Variants in STAG1 observed in about 807,000 individuals in gnomAD.
The protein encoded by STAG1 is cohesin subunit SA-1.
In STAG1, 26 loss-of-function variants were observed where a neutral mutation model predicts 170.9. The observed-to-expected ratio is 0.15, with a 90% CI of 0.11 to 0.21. STAG1 has a LOEUF of 0.21. Among genes scored for constraint, STAG1 ranks in the 10% least tolerant of loss-of-function variants. The probability of loss-of-function intolerance (pLI) is 1.00; values close to 1 mark genes in which losing one functional copy is unlikely to be tolerated. For missense variants in STAG1, 964 were observed against 1,509.5 expected (o/e 0.64, Z 5.99); for synonymous variants, 514 against 497.7 (o/e 1.03, Z -0.44).
At chr3:136,434,232 G>T (rs780275623) in intron 15 of STAG1, among the ~76,000 whole-genome samples, 2 of 151,938 alleles carry the variant, frequency 1.3e-5, no homozygotes, top group Non-Finnish European at 2.9e-5. Flanking sequence ...CTCCAAAGAA[G>T]AAATAATGGA....
At chr3:136,430,625 T>C (rs1213104273) in intron 16 of STAG1, among the ~76,000 whole-genome samples, 1 of 84,382 alleles carries the variant, frequency 1.2e-5, no homozygotes, top group East Asian at 5.6e-4. Flanking sequence ...GCTGAAGAGC[T>C]TAAAAAAAAA....
chr3:136,612,122 C>CA (rs1279348056), intron 3 of STAG1, among the ~76,000 whole-genome samples: 1 of 152,180 alleles, frequency 6.6e-6, no homozygotes, highest in Non-Finnish European at 1.5e-5. Context: ...GCTGGGATTA[C>CA]AGGCATGAGC....
Position 136,577,004 on chromosome 3 carries a change from C to T in STAG1, c.298-8143G>A, listed in dbSNP as rs181381223. Among the ~76,000 whole-genome samples, 23 of 152,198 alleles carry T rather than the reference C, an allele frequency of 1.5e-4. No homozygotes were observed. In the East Asian group the frequency reaches 4.2e-3, roughly 28 times the overall value. On this transcript the variant is annotated intron_variant, in intron 4 of 33. Coordinates refer to ENST00000383202, the MANE Select transcript of STAG1 (RefSeq NM_005862.3). ...GCCAAGGAAATGGAATGCTAGTAAT[C>T]GATGTCATATAGTAACTTGGGAAAA...
At chr3:136,522,420 T>C (rs921291552) in intron 6 of STAG1, among the ~76,000 whole-genome samples, 1 of 152,134 alleles carries the variant, frequency 6.6e-6, no homozygotes, top group African/African-American at 2.4e-5. Flanking sequence ...AGTGTGAGTG[T>C]AGATTGGAGA....
intron 1 of STAG1, among the ~76,000 whole-genome samples, chr3:136,709,134 A>G (rs1943314550): frequency 2.0e-5 from 3 of 151,940 alleles, no homozygotes; most frequent in Non-Finnish European, 4.4e-5. Context: ...TGCTAAAAAT[A>G]AAAGAATTAG....
intron 14 of STAG1, among the ~76,000 whole-genome samples, chr3:136,451,318 T>A (rs2088934934): frequency 6.6e-6 from 1 of 152,172 alleles, no homozygotes; most frequent in Non-Finnish European, 1.5e-5. Flanking sequence ...CGTACAACTA[T>A]CAATTAAAAC....
chr3:136,533,373 T>TTTTTTA (rs1259286627), intron 6 of STAG1, among the ~76,000 whole-genome samples: 2 of 152,152 alleles, frequency 1.3e-5, no homozygotes, highest in Non-Finnish European at 2.9e-5. Flanking sequence ...GTGTCGCCTT[T>TTTTTTA]TTTTTATTTT....
chr3:136,619,788 C>T (rs990874752), intron 3 of STAG1, among the ~76,000 whole-genome samples: 10 of 146,968 alleles, frequency 6.8e-5, no homozygotes, highest in African/African-American at 2.5e-4. Context: ...AAGGAGAGGC[C>T]GGGGTAGCGG....
chr3:136,644,546 T>C (rs1262044918), intron 1 of STAG1, among the ~76,000 whole-genome samples: 2 of 152,204 alleles, frequency 1.3e-5, no homozygotes, highest in Non-Finnish European at 2.9e-5. Flanking sequence ...GCAAAAACTG[T>C]TATACTAAGT....
At chr3:136,436,016 G>A (rs997125525) in intron 15 of STAG1, among the ~76,000 whole-genome samples, 5 of 151,996 alleles carry the variant, frequency 3.3e-5, no homozygotes, top group African/African-American at 4.8e-5. Context: ...AGAAGGCAAT[G>A]GCGTGATCTC....
intron 1 of STAG1, among the ~76,000 whole-genome samples, chr3:136,661,278 A>G (rs1314643820): frequency 1.3e-5 from 2 of 152,242 alleles, no homozygotes; most frequent in African/African-American, 4.8e-5. Context: ...TATCAATATG[A>G]AAATCTCACC....
At chr3:136,619,544 G>A (rs551268619) in intron 3 of STAG1, among the ~76,000 whole-genome samples, 2 of 151,898 alleles carry the variant, frequency 1.3e-5, no homozygotes, top group Admixed American at 1.3e-4. Context: ...GATCACTTCA[G>A]GTCGGGAGTT....
chr3:136,729,804 C>T (rs1261696805), intron 1 of STAG1, among the ~76,000 whole-genome samples: 1 of 150,734 alleles, frequency 6.6e-6, no homozygotes, highest in African/African-American at 2.4e-5. Flanking sequence ...GTCTTGAACT[C>T]CTAGCCTCAA....
intron 4 of STAG1, among the ~76,000 whole-genome samples, chr3:136,593,853 CA>C (rs1431636287): frequency 2.0e-5 from 3 of 152,190 alleles, no homozygotes; most frequent in Admixed American, 6.5e-5. Flanking sequence ...CTTAGTTCCA[CA>C]AAATTTTACT....
At chr3:136,459,229 A>AG (rs1553725111) in intron 13 of STAG1, among the ~76,000 whole-genome samples, 6 of 150,172 alleles carry the variant, frequency 4.0e-5, no homozygotes, top group East Asian at 1.9e-4. Flanking sequence ...AGAAAAAAAA[A>AG]AAAAAAAGAA....
In STAG1 at chr3:136,711,255, A is replaced by C. The variant is rs140216360; in HGVS notation, c.-84+40940T>G. 1.6e-3 allele frequency among the ~76,000 whole-genome samples: 238 copies of C among 152,286 alleles called. 3 individuals carry two copies. The East Asian group carries it at 0.036, about 23-fold the overall frequency. ...GATTCTGTGGTTTGGTTGGAGGTTAAGTTGGTTACTCTGTTTACTTAGGGG... is the reference window on the plus strand; with the variant it reads ...GATTCTGTGGTTTGGTTGGAGGTTACGTTGGTTACTCTGTTTACTTAGGGG... On this transcript the variant is annotated intron_variant, in intron 1 of 33. Transcript: ENST00000383202.
chr3:136,362,049 A>C (rs902540739), intron 26 of STAG1, among the ~76,000 whole-genome samples: 5 of 151,952 alleles, frequency 3.3e-5, no homozygotes, highest in African/African-American at 1.2e-4. Flanking sequence ...CCCGCCTCCC[A>C]GGTCCAAATG....
chr3:136,488,895 A>C (rs1473158003), intron 9 of STAG1, among the ~76,000 whole-genome samples: 2 of 152,220 alleles, frequency 1.3e-5, no homozygotes, highest in African/African-American at 2.4e-5. Flanking sequence ...TTAAACAACT[A>C]ATCTCTATTT....
intron 21 of STAG1, among the ~76,000 whole-genome samples, chr3:136,415,010 T>C (rs1384780635): frequency 6.6e-6 from 1 of 152,182 alleles, no homozygotes; most frequent in African/African-American, 2.4e-5. Context: ...GTACAGTTCA[T>C]GGTGCCCCAA....
Sources: allele counts gnomAD v4.1 joint callset (sites outside exome capture counted in the v4.1 genomes callset), GRCh38; gene constraint gnomAD v4.1.1; transcripts MANE v1.5; gene names NCBI Gene and HGNC (gene_info 2026-07-23, HGNC 2026-07-21).